The following DPP10 variants were observed in gnomAD, a reference collection of about 807,000 sequenced individuals.
DPP10 encodes the protein dipeptidyl peptidase like 10.
A neutral mutation model predicts 120.9 loss-of-function variants in DPP10; 33 were observed. The ratio of observed to expected loss-of-function variants is 0.27; its 90% CI spans 0.21 to 0.37. DPP10 has a LOEUF of 0.37. Among genes scored for constraint, DPP10 ranks in the 10% least tolerant of loss-of-function variants. DPP10 has a pLI of 1.00. For synonymous variants in DPP10, 337 were observed against 326.1 expected (o/e 1.03, Z -0.36); for missense variants, 816 against 942.8 (o/e 0.87, Z 1.76).
intron 3 of DPP10, among the ~76,000 whole-genome samples, chr2:115,352,662 T>G (rs2106311877): frequency 1.3e-5 from 2 of 152,262 alleles, no homozygotes; most frequent in South Asian, 4.1e-4. Flanking sequence ...AACGACATTA[T>G]GAATATAAAG....
intron 5 of DPP10, among the ~76,000 whole-genome samples, chr2:115,677,743 C>T (rs932234794): frequency 1.2e-4 from 18 of 151,970 alleles, no homozygotes. Flanking sequence ...ATGTATGTAC[C>T]CAATACCATA....
intron 1 of DPP10, among the ~76,000 whole-genome samples, chr2:114,625,843 C>T (rs181764778): frequency 4.5e-4 from 69 of 151,940 alleles, no homozygotes; most frequent in Middle Eastern, 3.4e-3. Context: ...CTTCTGCAGA[C>T]CTAGAATTCA....
At chr2:115,262,835 G>A (rs2059310467) in intron 1 of DPP10, among the ~76,000 whole-genome samples, 1 of 152,082 alleles carries the variant, frequency 6.6e-6, no homozygotes, top group South Asian at 2.1e-4. Flanking sequence ...CTACAAAGAA[G>A]TAAAACTCAT....
intron 7 of DPP10, among the ~76,000 whole-genome samples, chr2:115,714,903 G>A (rs562813928): frequency 3.3e-4 from 50 of 151,922 alleles, no homozygotes; most frequent in African/African-American, 1.1e-3. Flanking sequence ...GGCGACAGGC[G>A]CCCGTAGTCC....
chr2:115,256,238 G>A lies in DPP10; in HGVS notation c.61-53001G>A, dbSNP rs180967383. On this transcript the variant is annotated intron_variant, in intron 1 of 25. Transcript: ENST00000410059. The stretch of plus-strand genomic sequence containing the variant: ...GAAGTGCCAAGCAAAAGGGGGAAAA[G>A]CCATTTATAAAATCATCAGATCTCG... Among the ~76,000 whole-genome samples the A allele has an allele frequency of 3.2e-3, 484 of 151,940 alleles. 5 individuals are homozygous for A. Among genetic ancestry groups the A allele is most frequent in the African/African-American group, 0.011 (462 of 41,512 alleles).
chr2:115,757,583 A>G (rs1297640572), intron 11 of DPP10, among the ~76,000 whole-genome samples: 1 of 152,104 alleles, frequency 6.6e-6, no homozygotes, highest in African/African-American at 2.4e-5. Flanking sequence ...TCCCACAGCC[A>G]TGGGAATTGT....
chr2:115,383,016 A>C (rs904271154), intron 3 of DPP10, among the ~76,000 whole-genome samples: 2 of 152,196 alleles, frequency 1.3e-5, no homozygotes, highest in East Asian at 3.9e-4. Context: ...TGATTTTTCA[A>C]TTTCTCATTA....
intron 4 of DPP10, among the ~76,000 whole-genome samples, chr2:115,511,708 T>C (rs1446050712): frequency 1.6e-5 from 2 of 122,276 alleles, no homozygotes; most frequent in African/African-American, 6.6e-5. Context: ...TTCTTTCTTC[T>C]TCTTCTTCTT....
chr2:115,457,693 G>C (rs544705214), intron 3 of DPP10, among the ~76,000 whole-genome samples: 32 of 151,512 alleles, frequency 2.1e-4, no homozygotes, highest in African/African-American at 7.7e-4. Flanking sequence ...AAAATGCGGA[G>C]AGACTAGAAC....
intron 1 of DPP10, among the ~76,000 whole-genome samples, chr2:114,587,265 C>A (rs1691071286): frequency 1.4e-5 from 2 of 145,058 alleles, no homozygotes; most frequent in Non-Finnish European, 3.0e-5. Flanking sequence ...CGCGCCATTG[C>A]ACTCCAGCCT....
chr2:114,515,954 A>G (rs1684563169), intron 1 of DPP10, among the ~76,000 whole-genome samples: 4 of 152,112 alleles, frequency 2.6e-5, no homozygotes, highest in African/African-American at 7.2e-5. Flanking sequence ...TGAAGTCTCT[A>G]TCTGCCAAAA....
At chr2:115,463,864 C>T (rs538295152) in intron 3 of DPP10, among the ~76,000 whole-genome samples, 1 of 152,106 alleles carries the variant, frequency 6.6e-6, no homozygotes, top group Non-Finnish European at 1.5e-5. Flanking sequence ...TGATGCCCTG[C>T]GACAAATGTG....
chr2:114,570,216 A>G (rs185456862), intron 1 of DPP10, among the ~76,000 whole-genome samples: 1 of 152,170 alleles, frequency 6.6e-6, no homozygotes, highest in Non-Finnish European at 1.5e-5. Context: ...CAGGTTTGTC[A>G]CCAAAGACTT....
At chr2:115,361,284 G>A (rs899656377) in intron 3 of DPP10, among the ~76,000 whole-genome samples, 3 of 151,992 alleles carry the variant, frequency 2.0e-5, no homozygotes, top group African/African-American at 2.4e-5. Context: ...AAATTCTAGG[G>A]AGTTGAGACC....
At chr2:114,937,499 C>G (rs763942569) in intron 1 of DPP10, among the ~76,000 whole-genome samples, 8 of 152,188 alleles carry the variant, frequency 5.3e-5, no homozygotes, top group Non-Finnish European at 1.0e-4. Flanking sequence ...CAGTTCAATC[C>G]TCTGGAAGGC....
intron 20 of DPP10, 70 bp downstream of exon 20, chr2:115,815,057 T>C (rs1198183256): frequency 7.3e-7 from 1 of 1,378,242 alleles, no homozygotes; most frequent in African/African-American, 1.4e-5. Context: ...CATATAATAT[T>C]ACTAACCCTG....
intron 1 of DPP10, among the ~76,000 whole-genome samples, chr2:115,007,701 C>T (rs1274049164): frequency 6.6e-6 from 1 of 151,754 alleles, no homozygotes; most frequent in Admixed American, 6.6e-5. Context: ...CCGAAATCTC[C>T]TTAAGCTGAT....
intron 8 of DPP10, among the ~76,000 whole-genome samples, chr2:115,734,482 C>T (rs35933632): frequency 0.085 from 12,928 of 151,440 alleles, 604 homozygotes; most frequent in South Asian, 0.13. Context: ...GTGGTAAAAC[C>T]CCGTCTCTAA....
chr2:115,131,684 C>T (rs2050368470), intron 1 of DPP10: 1 of 152,086 alleles, frequency 6.6e-6, no homozygotes, highest in Non-Finnish European at 1.5e-5. Flanking sequence ...TCAGAAAAAA[C>T]AAACACTGTG....
Sources: gnomAD v4.1 joint callset for allele counts (sites outside exome capture counted in the v4.1 genomes callset) on GRCh38, gnomAD v4.1.1 for gene constraint, MANE v1.5 for transcripts, NCBI Gene and HGNC (gene_info 2026-07-23, HGNC 2026-07-21) for gene names.